The following EYA2 variants were observed in gnomAD, a reference collection of about 807,000 sequenced individuals.
EYA2 encodes the protein protein phosphatase EYA2.
A neutral mutation model predicts 69.2 loss-of-function variants in EYA2; 31 were observed. That is an observed-to-expected ratio of 0.45 (90% CI 0.34 to 0.60). The LOEUF (loss-of-function observed/expected upper bound fraction) is 0.60, where lower values mean the gene tolerates loss of function less well. Among genes scored for constraint, EYA2 ranks in the 20% least tolerant of loss-of-function variants. The pLI, the probability that EYA2 is intolerant of heterozygous loss-of-function variation, is 0.02. For missense variants in EYA2, 622 were observed against 701.2 expected (o/e 0.89, Z 1.28); for synonymous variants, 257 against 279.4 (o/e 0.92, Z 0.80).
intron 2 of EYA2, among the ~76,000 whole-genome samples, chr20:46,992,645 C>T (rs1055174500): frequency 2.0e-5 from 3 of 152,206 alleles, no homozygotes; most frequent in Non-Finnish European, 2.9e-5. Flanking sequence ...CACAGACACA[C>T]TCCTTTTTGT....
intron 9 of EYA2, among the ~76,000 whole-genome samples, chr20:47,118,756 A>T (rs73913805): frequency 6.6e-6 from 1 of 152,160 alleles, no homozygotes; most frequent in African/African-American, 2.4e-5. Context: ...GAATCACTCA[A>T]CTTGGGTTGA....
At chr20:46,943,619 G>C (rs1568679599) in intron 1 of EYA2, among the ~76,000 whole-genome samples, 1 of 152,212 alleles carries the variant, frequency 6.6e-6, no homozygotes, top group Non-Finnish European at 1.5e-5. Context: ...CCTGTGTGTA[G>C]CATGTAGTTC....
intron 5 of EYA2, among the ~76,000 whole-genome samples, chr20:47,063,392 C>CGCGTGTGTGTGT (rs1555819554): frequency 7.0e-6 from 1 of 143,372 alleles, no homozygotes; most frequent in Non-Finnish European, 1.5e-5. Context: ...TGTGCGTGTG[C>CGCGTGTGTGTGT]GTGTGTGTGT....
intron 1 of EYA2, among the ~76,000 whole-genome samples, chr20:46,914,475 A>G (rs760033605): frequency 4.6e-5 from 7 of 152,220 alleles, no homozygotes; most frequent in African/African-American, 7.2e-5. Flanking sequence ...ACAGGTCAGC[A>G]TGTCTGGGGA....
At chr20:46,927,877 G>A (rs67092605) in intron 1 of EYA2, among the ~76,000 whole-genome samples, 36,486 of 152,132 alleles carry the variant, frequency 0.24, 5,575 homozygotes, top group Non-Finnish European at 0.33. Flanking sequence ...GTCTCCAAAG[G>A]TGTATGAGGA....
chr20:47,181,732 A>G (rs1600778231), intron 14 of EYA2, among the ~76,000 whole-genome samples: 1 of 152,212 alleles, frequency 6.6e-6, no homozygotes, highest in East Asian at 1.9e-4. Context: ...AAAAAAAATA[A>G]ATAATTTATA....
At chr20:47,085,117 A>C (rs985768475) in intron 7 of EYA2, among the ~76,000 whole-genome samples, 1 of 152,088 alleles carries the variant, frequency 6.6e-6, no homozygotes, top group Admixed American at 6.5e-5. Context: ...GATTACAGGC[A>C]TGAGCCACCA....
At chr20:46,966,445 A>G (rs1979786900) in intron 1 of EYA2, among the ~76,000 whole-genome samples, 1 of 152,228 alleles carries the variant, frequency 6.6e-6, no homozygotes, top group Admixed American at 6.5e-5. Context: ...CGAGAAAAAT[A>G]TAACATGCTT....
intron 5 of EYA2, among the ~76,000 whole-genome samples, chr20:47,052,830 C>T (rs2030407945): frequency 6.6e-6 from 1 of 152,062 alleles, no homozygotes; most frequent in Non-Finnish European, 1.5e-5. Context: ...CACTATGTTG[C>T]CCAGGCTGAT....
At chr20:47,139,747 G>A (rs1046085585) in intron 9 of EYA2, among the ~76,000 whole-genome samples, 3 of 152,112 alleles carry the variant, frequency 2.0e-5, no homozygotes, top group Non-Finnish European at 4.4e-5. Flanking sequence ...AAATTTCTAA[G>A]TAACATCCTT....
At chr20:47,019,475 CT>C (rs113080751) in intron 5 of EYA2, among the ~76,000 whole-genome samples, 168 of 149,100 alleles carry the variant, frequency 1.1e-3, no homozygotes, top group Admixed American at 1.7e-3. Context: ...TTCCTATTAA[CT>C]TTTTTTTTTT....
chr20:47,154,708 G>A (rs2033886321), intron 10 of EYA2, among the ~76,000 whole-genome samples: 3 of 151,948 alleles, frequency 2.0e-5, no homozygotes, highest in South Asian at 2.1e-4. Flanking sequence ...GTGTGGTGGC[G>A]GAAAGCCAAG....
chr20:46,924,121 G>T (rs944020503), intron 1 of EYA2, among the ~76,000 whole-genome samples: 1 of 152,064 alleles, frequency 6.6e-6, no homozygotes, highest in African/African-American at 2.4e-5. Context: ...TTATATTTGT[G>T]ATTTTTAAAA....
At chr20:47,143,191 C>A in intron 10 of EYA2, 43 bp downstream of exon 10, 4 of 1,491,868 alleles carry the variant, frequency 2.7e-6, no homozygotes, top group South Asian at 2.3e-5. Context: ...CATGTTTAAT[C>A]ACCTGCATCT....
chr20:47,006,562 A>C (rs1183529893), intron 4 of EYA2, among the ~76,000 whole-genome samples: 1 of 151,754 alleles, frequency 6.6e-6, no homozygotes, highest in Non-Finnish European at 1.5e-5. Flanking sequence ...GCAGAGGCTG[A>C]CTCTTACATT....
At chr20:47,057,510 A>ACCCCCCCCC (rs796462817) in intron 5 of EYA2, among the ~76,000 whole-genome samples, 18 of 94,758 alleles carry the variant, frequency 1.9e-4, no homozygotes, top group African/African-American at 3.4e-4. Context: ...TTTTTATATC[A>ACCCCCCCCC]CCCCCCCCCC....
At chr20:47,050,354 T>A (rs1400145594) in intron 5 of EYA2, among the ~76,000 whole-genome samples, 2 of 152,222 alleles carry the variant, frequency 1.3e-5, no homozygotes, top group Admixed American at 1.3e-4. Context: ...CACCCATCCC[T>A]TGGGCTGACC....
chr20:47,136,743 A>G (rs2033486050), intron 9 of EYA2, among the ~76,000 whole-genome samples: 1 of 146,368 alleles, frequency 6.8e-6, no homozygotes, highest in Non-Finnish European at 1.5e-5. Flanking sequence ...CCCTGTCTCA[A>G]AAAAAAAAAA....
At chr20:47,036,198 C>T (rs749589062) in intron 5 of EYA2, among the ~76,000 whole-genome samples, 12 of 152,108 alleles carry the variant, frequency 7.9e-5, no homozygotes, top group Non-Finnish European at 1.2e-4. Context: ...GTGGCGTAAC[C>T]GGGATCAGGG....
Sources: gnomAD v4.1 joint callset for allele counts (sites outside exome capture counted in the v4.1 genomes callset) on GRCh38, gnomAD v4.1.1 for gene constraint, MANE v1.5 for transcripts, NCBI Gene and HGNC (gene_info 2026-07-23, HGNC 2026-07-21) for gene names.